The following DRP2 variants were observed in gnomAD, a reference collection of about 807,000 sequenced individuals.
DRP2 encodes the protein dystrophin-related protein 2.
DRP2 carries 29 observed loss-of-function variants against 78.2 expected under a neutral mutation model. The observed-to-expected ratio is 0.37, with a 90% CI of 0.28 to 0.51. The LOEUF (loss-of-function observed/expected upper bound fraction) is 0.51. DRP2 is among the 20% of genes least tolerant of loss of function. The pLI, the probability that DRP2 is intolerant of heterozygous loss-of-function variation, is 0.94. For missense variants in DRP2, 686 were observed against 770.6 expected (o/e 0.89, Z 1.30); for synonymous variants, 290 against 281.9 (o/e 1.03, Z -0.29).
In DRP2 at chrX:101,248,515, G is replaced by A. The variant is rs1923012408; in HGVS notation, c.1456G>A (p.Gly486Ser). Residue 486 changes from glycine (G) to serine (S), a missense_variant and splice_region_variant, in exon 14 of 24, where the codon GGT (glycine) becomes AGT (serine). This residue lies in a region of DRP2 where 423 missense variants were observed against 531.5 expected (regional missense o/e 0.80). Coordinates refer to ENST00000395209, the MANE Select transcript of DRP2 (RefSeq NM_001939.3). Reference sequence around the variant, plus strand: ...TCAGTCTCTTCTTTTTAAACCTAGTGGTCGCAGCGGAAAGATGCGGGCATT... The same window carrying A: ...TCAGTCTCTTCTTTTTAAACCTAGTAGTCGCAGCGGAAAGATGCGGGCATT... Reference protein sequence around the residue: ...LNWLLNVFDSGRSGKMRALSF... With the variant: ...LNWLLNVFDSSRSGKMRALSF... The A allele has an allele frequency of 8.3e-7, 1 of 1,209,135 alleles. No homozygotes were observed. The highest frequency in any genetic ancestry group is 1.1e-6 in the Non-Finnish European group (1 of 894,514).
At chrX:101,250,630 G>T (rs1224858649) in intron 15 of DRP2, 50 bp downstream of exon 15, 1 of 1,151,146 alleles carries the variant, frequency 8.7e-7, no homozygotes, top group African/African-American at 1.8e-5. Flanking sequence ...TGCAGGAAGG[G>T]TGGGAAGAAG....
chrX:101,258,457 A>G lies in DRP2; in HGVS notation c.2539A>G (p.Ser847Gly). The change falls in exon 22 of 24, where the codon AGC (serine) becomes GGC (glycine). Residue 847 changes from serine (S) to glycine (G), a missense_variant. This residue lies in a region of DRP2 where 423 missense variants were observed against 531.5 expected (regional missense o/e 0.80). Transcript: ENST00000395209. ...GGCCCGTATCCTTCGGCAACATAAG[A>G]GCCGCCTGGAGACGCGCATGCAGAT... ...AEARILRQHKSRLETRMQILE... is the reference protein window; with the variant it reads ...AEARILRQHKGRLETRMQILE... 1.7e-6 allele frequency: 2 copies of G among 1,201,452 alleles called. No homozygotes were observed. The highest frequency in any genetic ancestry group is 2.2e-6 in the Non-Finnish European group (2 of 890,106).
At position 101,258,439 on chromosome X, in the gene DRP2, A is replaced by G. The variant is rs1267480664; in HGVS notation, c.2521A>G (p.Ile841Val). ...TGAGGAGCTTCTGGCCGAGGCCCGT[A>G]TCCTTCGGCAACATAAGAGCCGCCT... ...RNEELLAEAR[I>V]LRQHKSRLET... Residue 841 changes from isoleucine (I) to valine (V), a missense_variant, in exon 22 of 24, where the codon ATC becomes GTC. By Grantham distance (29) the Ile-to-Val change is conservative (BLOSUM62 3). This residue lies in a region of DRP2 where 423 missense variants were observed against 531.5 expected (regional missense o/e 0.80). Coordinates refer to ENST00000395209, the MANE Select transcript of DRP2 (RefSeq NM_001939.3). 1 of 1,205,170 alleles carries G rather than the reference A, an allele frequency of 8.3e-7. No homozygotes were observed. Among genetic ancestry groups the G allele is most frequent in the Admixed American group, 2.2e-5 (1 of 45,369 alleles).
rs767635431 is a variant in DRP2, at chrX:101,258,428, C to T, written c.2510C>T (p.Ala837Val). 5.8e-6 allele frequency: 7 copies of T among 1,206,136 alleles called. No individual in the cohort carries two copies. The highest frequency in any genetic ancestry group is 1.8e-5 in the South Asian group (1 of 55,704). Residue 837 changes from alanine to valine, a missense_variant, in exon 22 of 24, where the codon GCC becomes GTC. Ala to Val is a moderately conservative substitution (Grantham distance 64, BLOSUM62 0). Around this residue, in one of 2 missense-constraint regions of DRP2, gnomAD observed 423 missense variants for 531.5 expected, o/e 0.80. Coordinates refer to ENST00000395209, the MANE Select transcript of DRP2 (RefSeq NM_001939.3). ...GACCACCGCAATGAGGAGCTTCTGG[C>T]CGAGGCCCGTATCCTTCGGCAACAT... ...ATDHRNEELLAEARILRQHKS... is the reference protein window; with the variant it reads ...ATDHRNEELLVEARILRQHKS...
Position 101,258,292 on chromosome X carries a change from G to A in DRP2, c.2391-17G>A, listed in dbSNP as rs369927806. Reference sequence around the variant, plus strand: ...CCCTGTTAGAGCCATAGGTCTTGGTGTCTCTCTCCATGGCAGGATTCTCCA... The same window carrying A: ...CCCTGTTAGAGCCATAGGTCTTGGTATCTCTCTCCATGGCAGGATTCTCCA... On this transcript the variant is annotated splice_polypyrimidine_tract_variant and intron_variant, in intron 21 of 23. Transcript: ENST00000395209. The A allele has an allele frequency of 9.7e-4, 1,126 of 1,156,570 alleles. 1 individual carries two copies. The highest frequency in any genetic ancestry group is 1.1e-3 in the Non-Finnish European group (951 of 863,792).
At position 101,242,390 on chromosome X, in the gene DRP2, A is replaced by G. The variant is rs376592307; in HGVS notation, c.894A>G (p.Gln298=). 5.0e-6 allele frequency: 6 copies of G among 1,210,195 alleles called. No homozygotes were observed. The highest frequency in any genetic ancestry group is 3.5e-5 in the African/African-American group (2 of 57,189). ...AGTTGGTGAATGATCTGGCCCACCA[A>G]CTTGCCATTTCTGATGTGCACTTGT... ...GVKLVNDLAH[Q]LAISDVHLSM... Residue 298 remains glutamine, a synonymous_variant, in exon 8 of 24, where the codon CAA becomes CAG. Transcript: ENST00000395209.
intron 22 of DRP2, 136 bp downstream of exon 22, chrX:101,258,682 C>A (rs1923439967): frequency 9.3e-6 from 5 of 537,715 alleles, no homozygotes; most frequent in Non-Finnish European, 1.2e-5. Context: ...CTGAAGAGAA[C>A]TGGGCCTGCG....
chrX:101,243,013 A>C (rs1164347806), intron 9 of DRP2, 31 bp downstream of exon 9: 2 of 1,177,298 alleles, frequency 1.7e-6, no homozygotes, highest in South Asian at 3.6e-5. Context: ...TCCACTTAGC[A>C]GAACCTCAGC....
chrX:101,255,684 C>T (rs1457242487), intron 20 of DRP2, among the ~76,000 whole-genome samples: 4 of 111,033 alleles, frequency 3.6e-5, no homozygotes, highest in African/African-American at 9.8e-5. Context: ...TATGACAGCC[C>T]AGAGAAGGGG....
chrX:101,244,425 C>T (rs980430342), intron 9 of DRP2, among the ~76,000 whole-genome samples: 1 of 111,821 alleles, frequency 8.9e-6, no homozygotes, highest in African/African-American at 3.3e-5. Context: ...TACCTGCAGG[C>T]GGAGGACTCT....
At chrX:101,238,416 A>G (rs1288466409) in intron 5 of DRP2, among the ~76,000 whole-genome samples, 2 of 109,020 alleles carry the variant, frequency 1.8e-5, no homozygotes, top group East Asian at 5.8e-4. Flanking sequence ...GATTCCACTT[A>G]TACAAAGTTT....
In DRP2 at chrX:101,258,704, G is replaced by C. The variant is rs1041711284; in HGVS notation, c.2628+158G>C. ...GAACTGGGCCTGCGGTTGGTGGGGG[G>C]GCGGGGGAAAGAAGAGACTGGTATG... On this transcript the variant is annotated intron_variant, in intron 22 of 23. Coordinates refer to ENST00000395209, the MANE Select transcript of DRP2 (RefSeq NM_001939.3). Among the ~76,000 whole-genome samples the C allele has an allele frequency of 2.7e-5, 3 of 109,906 alleles. No homozygotes were observed. In the East Asian group the frequency reaches 8.7e-4, roughly 32 times the overall value.
At chrX:101,222,269 A>G (rs1335740917) in intron 1 of DRP2, among the ~76,000 whole-genome samples, 1 of 111,695 alleles carries the variant, frequency 9.0e-6, no homozygotes, top group African/African-American at 3.3e-5. Context: ...TGTATGGAAA[A>G]CACTTTTTGC....
intron 14 of DRP2, among the ~76,000 whole-genome samples, chrX:101,248,836 C>T (rs1196968232): frequency 8.9e-6 from 1 of 112,163 alleles, no homozygotes; most frequent in Non-Finnish European, 1.9e-5. Flanking sequence ...TTCATTCCTT[C>T]TGAATTGATG....
chrX:101,251,138 T>C (rs1330904451), intron 16 of DRP2, 55 bp downstream of exon 16: 1 of 1,066,969 alleles, frequency 9.4e-7, no homozygotes, highest in Non-Finnish European at 1.3e-6. Flanking sequence ...ATGTGACATA[T>C]AACTCAGATA....
At chrX:101,225,019 G>A (rs1922069724) in intron 2 of DRP2, among the ~76,000 whole-genome samples, 1 of 111,831 alleles carries the variant, frequency 8.9e-6, no homozygotes, top group Admixed American at 9.5e-5. Flanking sequence ...TAGGTGGAAA[G>A]AGCTTATTTA....
At chrX:101,225,787 T>A (rs1217621797) in intron 2 of DRP2, among the ~76,000 whole-genome samples, 1 of 111,835 alleles carries the variant, frequency 8.9e-6, no homozygotes, top group African/African-American at 3.2e-5. Context: ...TAGTAAAAAA[T>A]TTTATCTCCT....
At chrX:101,224,181 G>GTTTTTTTT (rs1379202759) in intron 1 of DRP2, among the ~76,000 whole-genome samples, 621 of 47,532 alleles carry the variant, frequency 0.013, 29 homozygotes, top group African/African-American at 0.022. Flanking sequence ...ATGTTTGCTG[G>GTTTTTTTT]GTTTTTTTTG....
In DRP2 at chrX:101,262,441, C is replaced by T. The variant is rs751650468; in HGVS notation, c.*1820C>T. 9.0e-6 allele frequency: 1 copy of T among 111,664 alleles called. No individual in the cohort carries two copies. Among genetic ancestry groups the T allele is most frequent in the East Asian group, 2.8e-4 (1 of 3,557 alleles). 9.2% of individuals were successfully genotyped at this position (111,664 alleles called of 1,213,427 possible). ...ACAGAGAACATTCTCTGGTCCCTTC[C>T]AGCTCTTATGGTCTCACTCAGGGCT... On this transcript the variant is annotated 3_prime_UTR_variant, in exon 24 of 24. Transcript: ENST00000395209.
Sources: allele counts gnomAD v4.1 joint callset (sites outside exome capture counted in the v4.1 genomes callset), GRCh38; gene constraint gnomAD v4.1.1; regional missense constraint gnomAD v4.1.1; transcripts MANE v1.5; gene names NCBI Gene and HGNC (gene_info 2026-07-23, HGNC 2026-07-21).